Variants in GLYATL3 observed in about 807,000 individuals in gnomAD.
The protein encoded by GLYATL3 is glycine N-acyltransferase-like protein 3.
A neutral mutation model predicts 28.5 loss-of-function variants in GLYATL3; 31 were observed. That is an observed-to-expected ratio of 1.09 (90% CI 0.82 to 1.47). GLYATL3 has a LOEUF of 1.47. Among genes scored for constraint, GLYATL3 ranks in the 40% most tolerant of loss-of-function variants. The probability of loss-of-function intolerance (pLI) is 0.00; values close to 1 mark genes in which losing one functional copy is unlikely to be tolerated. For synonymous variants in GLYATL3, 141 were observed against 140.2 expected (o/e 1.01, Z -0.04); for missense variants, 369 against 351.5 (o/e 1.05, Z -0.40).
chr6:49,508,610 A>AT (rs1769058912), intron 1 of GLYATL3, among the ~76,000 whole-genome samples: 1 of 152,100 alleles, frequency 6.6e-6, no homozygotes, highest in Admixed American at 6.6e-5. Flanking sequence ...CCTTTCCCAG[A>AT]GCTATGAATA....
chr6:49,506,739 C>G (rs1011711157), intron 1 of GLYATL3, among the ~76,000 whole-genome samples: 1 of 152,076 alleles, frequency 6.6e-6, no homozygotes, highest in Non-Finnish European at 1.5e-5. Flanking sequence ...TGTAGTAAAT[C>G]ATTAACAATT....
Position 49,526,876 on chromosome 6 carries a change from C to G in GLYATL3, c.829C>G (p.Leu277Val). 1 of 1,545,072 alleles carries G rather than the reference C, an allele frequency of 6.5e-7. No individual in the cohort carries two copies. The highest frequency in any genetic ancestry group is 8.8e-7 in the Non-Finnish European group (1 of 1,142,620). ...FLPCRFHRLI[L>V]TPATFSGLPH... ...GCCTTGTCGCTTCCACAGGCTTATTCTCACCCCTGCGACTTTCTCTGGCCT... is the reference window on the plus strand; with the variant it reads ...GCCTTGTCGCTTCCACAGGCTTATTGTCACCCCTGCGACTTTCTCTGGCCT... The change falls in exon 6 of 6, where the codon CTC becomes GTC. Residue 277 changes from leucine (L) to valine (V), a missense_variant. Physicochemically the swap from Leu to Val is conservative, Grantham distance 32. Transcript: ENST00000371197.
intron 5 of GLYATL3, among the ~76,000 whole-genome samples, chr6:49,522,293 T>A (rs1016432632): frequency 6.6e-6 from 1 of 152,052 alleles, no homozygotes; most frequent in Non-Finnish European, 1.5e-5. Flanking sequence ...TAAACAGAGA[T>A]GAAGTAACAC....
At chr6:49,520,345 T>A (rs1355893504) in intron 4 of GLYATL3, among the ~76,000 whole-genome samples, 1 of 152,212 alleles carries the variant, frequency 6.6e-6, no homozygotes, top group Non-Finnish European at 1.5e-5. Context: ...TGCCTCCTTT[T>A]TTCTCATAGT....
rs1015002798 is a variant in GLYATL3 at position 49,527,076 on chromosome 6, G to A, written c.*162G>A. 21 of 583,124 alleles carry A rather than the reference G, an allele frequency of 3.6e-5. No homozygotes were observed. The highest frequency in any genetic ancestry group is 2.6e-4 in the East Asian group (9 of 35,250). 36.1% of individuals were successfully genotyped at this position (583,124 alleles called of 1,614,324 possible). A position where few individuals can be genotyped will look rare whatever the true frequency, so the allele number is the denominator to read the frequency against. The stretch of plus-strand genomic sequence containing the variant: ...TCCACTTGAGAAGCCTTAATTTTTC[G>A]TATCTCAGGTTTCTCCAGTAAATAG... On this transcript the variant is annotated 3_prime_UTR_variant, in exon 6 of 6. Transcript: ENST00000371197.
intron 2 of GLYATL3, among the ~76,000 whole-genome samples, chr6:49,512,866 C>T (rs535747866): frequency 3.7e-4 from 57 of 152,166 alleles, no homozygotes; most frequent in Middle Eastern, 3.2e-3. Flanking sequence ...TCCTCTAATG[C>T]ACTATACTGT....
intron 4 of GLYATL3, among the ~76,000 whole-genome samples, chr6:49,521,094 T>A (rs887906737): frequency 1.3e-5 from 2 of 152,158 alleles, no homozygotes. Context: ...TTTATATATA[T>A]ACAACACCTA....
At chr6:49,513,508 AT>A (rs1218469782) in intron 2 of GLYATL3, among the ~76,000 whole-genome samples, 1 of 152,194 alleles carries the variant, frequency 6.6e-6, no homozygotes, top group Non-Finnish European at 1.5e-5. Flanking sequence ...TTCCAATCAT[AT>A]TTAGGTTACA....
chr6:49,510,452 A>G (rs941413628), intron 1 of GLYATL3, among the ~76,000 whole-genome samples: 1 of 152,236 alleles, frequency 6.6e-6, no homozygotes, highest in African/African-American at 2.4e-5. Context: ...CTACTTCAGT[A>G]TTCAGGCATA....
intron 5 of GLYATL3, among the ~76,000 whole-genome samples, chr6:49,523,553 A>G (rs909766885): frequency 6.6e-6 from 1 of 152,216 alleles, no homozygotes; most frequent in African/African-American, 2.4e-5. Flanking sequence ...GCCCCCCTCC[A>G]GATCCATGTT....
chr6:49,507,182 CCCA>C (rs1383151582), intron 1 of GLYATL3, among the ~76,000 whole-genome samples: 1 of 152,072 alleles, frequency 6.6e-6, no homozygotes, highest in African/African-American at 2.4e-5. Context: ...GGGTCAGCTA[CCCA>C]AGGTAAAGGG....
chr6:49,508,777 A>G (rs931013255), intron 1 of GLYATL3, among the ~76,000 whole-genome samples: 2 of 152,078 alleles, frequency 1.3e-5, no homozygotes, highest in African/African-American at 4.8e-5. Context: ...GCAATTTTGT[A>G]TTTACAATAA....
In GLYATL3 at chr6:49,526,777, C is replaced by T. The variant is rs1203373752; in HGVS notation, c.730C>T (p.Pro244Ser). ...LARKLQSRGF[P>S]SQGNVLDDNT... ...CAGGAAGTTGCAAAGCCGGGGATTC[C>T]CCTCTCAGGGGAACGTCCTGGATGA... The change falls in exon 6 of 6, where the codon CCC becomes TCC. Residue 244 changes from proline to serine, a missense_variant. Pro to Ser is a moderately conservative substitution (Grantham distance 74). Transcript: ENST00000371197. 6.4e-7 allele frequency: 1 copy of T among 1,551,784 alleles called. No individual in the cohort carries two copies. The highest frequency in any genetic ancestry group is 1.4e-5 in the African/African-American group (1 of 73,054).
At chr6:49,506,683 C>T (rs1769016559) in intron 1 of GLYATL3, among the ~76,000 whole-genome samples, 1 of 151,970 alleles carries the variant, frequency 6.6e-6, no homozygotes, top group Non-Finnish European at 1.5e-5. Flanking sequence ...GTACAACAAA[C>T]ACAGGCGAGT....
At chr6:49,509,799 A>G (rs1331871073) in intron 1 of GLYATL3, among the ~76,000 whole-genome samples, 2 of 152,186 alleles carry the variant, frequency 1.3e-5, no homozygotes, top group African/African-American at 4.8e-5. Flanking sequence ...AGGATGATCA[A>G]TTGTATACAT....
chr6:49,509,683 C>T (rs1769077756), intron 1 of GLYATL3, among the ~76,000 whole-genome samples: 1 of 152,216 alleles, frequency 6.6e-6, no homozygotes, highest in South Asian at 2.1e-4. Flanking sequence ...TTTTGCTGCT[C>T]TATGCATGAC....
At chr6:49,523,443 T>C (rs1245647634) in intron 5 of GLYATL3, among the ~76,000 whole-genome samples, 1 of 152,194 alleles carries the variant, frequency 6.6e-6, no homozygotes, top group African/African-American at 2.4e-5. Flanking sequence ...CACAGACTGA[T>C]TTCCTAGACT....
chr6:49,501,914 G>A (rs933423436), intron 1 of GLYATL3, among the ~76,000 whole-genome samples: 1 of 152,174 alleles, frequency 6.6e-6, no homozygotes, highest in Non-Finnish European at 1.5e-5. Context: ...CTGCTTTTCT[G>A]GGATAGGAAT....
rs1360552477 is a variant in GLYATL3, at chr6:49,521,663, A to G, written c.332A>G (p.Tyr111Cys). 11 of 1,551,022 alleles carry G rather than the reference A, an allele frequency of 7.1e-6. No individual in the cohort carries two copies. The highest frequency in any genetic ancestry group is 9.6e-6 in the Non-Finnish European group (11 of 1,146,394). Residue 111 changes from tyrosine (Y) to cysteine (C), a missense_variant, in exon 5 of 6, where the codon TAT becomes TGT. Tyr to Cys is a radical substitution (Grantham distance 194, BLOSUM62 -2). Coordinates refer to ENST00000371197, the MANE Select transcript of GLYATL3 (RefSeq NM_001010904.2). The part of the protein sequence containing the change: ...FQIQGLQSEL[Y>C]DVSKAVANSK... ...TACACAGGGCTGCAGAGTGAGTTAT[A>G]TGATGTTTCCAAAGCGGTTGCCAAT...
Sources: gnomAD v4.1 joint callset for allele counts (sites outside exome capture counted in the v4.1 genomes callset) on GRCh38, gnomAD v4.1.1 for gene constraint, MANE v1.5 for transcripts, NCBI Gene and HGNC (gene_info 2026-07-23, HGNC 2026-07-21) for gene names.